Variants in PTPRD observed in about 807,000 individuals in gnomAD.
The protein encoded by PTPRD is receptor-type tyrosine-protein phosphatase delta.
Under a neutral mutation model 214.5 loss-of-function variants are expected in PTPRD, and 34 were observed. That is an observed-to-expected ratio of 0.16 (90% confidence interval 0.12 to 0.21). The LOEUF is 0.21. PTPRD is among the 10% of genes least tolerant of loss of function. The pLI is 1.00. For synonymous variants in PTPRD, 1,128 were observed against 845.7 expected, an observed-to-expected ratio of 1.33 and a Z score of -5.79; for missense variants, 2,545 against 2,398.7, an observed-to-expected ratio of 1.06 and a Z score of -1.27.
At chr9:10,428,675 C>G (rs1008612236) in intron 2 of PTPRD, among the ~76,000 whole-genome samples, 5 of 152,016 alleles carry the variant, frequency 3.3e-5, no homozygotes, top group African/African-American at 1.2e-4. Flanking sequence ...CAAAATTACT[C>G]AGTTGCAAAA....
At chr9:10,391,712 T>C (rs932340243) in intron 2 of PTPRD, among the ~76,000 whole-genome samples, 1 of 151,812 alleles carries the variant, frequency 6.6e-6, no homozygotes, top group Non-Finnish European at 1.5e-5. Context: ...TGTCACCATT[T>C]AACAGCAAGA....
chr9:8,716,786 C>T (rs1295432502), intron 12 of PTPRD, among the ~76,000 whole-genome samples: 1 of 152,068 alleles, frequency 6.6e-6, no homozygotes, highest in Non-Finnish European at 1.5e-5. Context: ...TGGCCTACCT[C>T]AATAATGAAT....
chr9:8,695,850 A>C (rs551263817), intron 12 of PTPRD, among the ~76,000 whole-genome samples: 1 of 152,276 alleles, frequency 6.6e-6, no homozygotes, highest in East Asian at 1.9e-4. Context: ...TAAGTTGGAA[A>C]TTACTGTAAG....
chr9:8,521,541 G>A lies in PTPRD; in HGVS notation c.697C>T (p.Arg233Cys), dbSNP rs2097889634. Residue 233 changes from arginine (R) to cysteine (C), a missense_variant, in exon 20 of 46, where the codon CGT (arginine) becomes TGT (cysteine). Arg to Cys is a radical substitution (Grantham distance 180). Coordinates refer to ENST00000381196, the MANE Select transcript of PTPRD (RefSeq NM_002839.4). ...LYVRELREVR[R>C]VPPRFSIPPT... is the part of the protein sequence containing the mutation. Reference sequence around the variant, plus strand: ...GGGATAGAGAATCTTGGTGGGACACGGCGAACTGGAACAAAACACAAGGGA... The same window carrying A: ...GGGATAGAGAATCTTGGTGGGACACAGCGAACTGGAACAAAACACAAGGGA... 6.2e-7 allele frequency: 1 copy of A among 1,612,910 alleles called. No homozygotes were observed. The highest frequency in any genetic ancestry group is 8.5e-7 in the Non-Finnish European group (1 of 1,179,404).
chr9:9,615,252 G>C (rs2154348393), intron 7 of PTPRD, among the ~76,000 whole-genome samples: 1 of 152,202 alleles, frequency 6.6e-6, no homozygotes, highest in South Asian at 2.1e-4. Context: ...CCTCCTGCCA[G>C]GTGCAGGCTC....
At chr9:8,907,771 T>A (rs965545792) in intron 11 of PTPRD, among the ~76,000 whole-genome samples, 1 of 151,750 alleles carries the variant, frequency 6.6e-6, no homozygotes, top group African/African-American at 2.4e-5. Flanking sequence ...GAGCAGAGAA[T>A]AAAAGATTGA....
intron 14 of PTPRD, among the ~76,000 whole-genome samples, chr9:8,601,958 T>C (rs762108138): frequency 5.3e-5 from 8 of 152,060 alleles, no homozygotes; most frequent in Non-Finnish European, 1.0e-4. Context: ...AAAATAATTA[T>C]AGGTAGTGAC....
intron 9 of PTPRD, among the ~76,000 whole-genome samples, chr9:9,189,739 A>T (rs1249859763): frequency 6.6e-6 from 1 of 152,124 alleles, no homozygotes; most frequent in African/African-American, 2.4e-5. Flanking sequence ...TGAAATGAAT[A>T]AACAAATCAA....
intron 11 of PTPRD, chr9:8,963,097 G>A (rs561821916): frequency 6.6e-6 from 1 of 152,014 alleles, no homozygotes; most frequent in Non-Finnish European, 1.5e-5. Flanking sequence ...TTACATGGTA[G>A]CCTTACTGTC....
intron 11 of PTPRD, among the ~76,000 whole-genome samples, chr9:9,017,279 T>C (rs2099539865): frequency 6.6e-6 from 1 of 152,146 alleles, no homozygotes; most frequent in South Asian, 2.1e-4. Context: ...AGAAAGGTCA[T>C]CTTGCTGAAT....
intron 12 of PTPRD, among the ~76,000 whole-genome samples, chr9:8,671,669 T>C (rs1344551176): frequency 6.6e-6 from 1 of 152,130 alleles, no homozygotes; most frequent in Non-Finnish European, 1.5e-5. Flanking sequence ...AAAGGGCACA[T>C]TTAAAGAGGC....
chr9:8,981,146 C>T (rs979311751), intron 11 of PTPRD, among the ~76,000 whole-genome samples: 1 of 151,826 alleles, frequency 6.6e-6, no homozygotes, highest in East Asian at 1.9e-4. Context: ...TTATTTGTCA[C>T]CAAAATCAGT....
At chr9:9,390,782 G>A (rs541659308) in intron 9 of PTPRD, among the ~76,000 whole-genome samples, 1 of 152,146 alleles carries the variant, frequency 6.6e-6, no homozygotes, top group African/African-American at 2.4e-5. Context: ...CAGTTGCTGT[G>A]TGACTTTGAA....
intron 2 of PTPRD, among the ~76,000 whole-genome samples, chr9:10,479,522 T>A (rs1019357547): frequency 6.6e-6 from 1 of 151,942 alleles, no homozygotes; most frequent in Non-Finnish European, 1.5e-5. Flanking sequence ...AGACAGAATA[T>A]ACTTTGAAAA....
intron 13 of PTPRD, among the ~76,000 whole-genome samples, chr9:8,634,042 C>A (rs559878756): frequency 3.9e-5 from 6 of 152,002 alleles, no homozygotes; most frequent in Admixed American, 2.0e-4. Flanking sequence ...TGCCATAAAT[C>A]ATTCCAGTAT....
chr9:10,450,535 T>C (rs2098834371), intron 2 of PTPRD, among the ~76,000 whole-genome samples: 1 of 152,082 alleles, frequency 6.6e-6, no homozygotes, highest in Non-Finnish European at 1.5e-5. Flanking sequence ...ATCTGTAGTT[T>C]ATATTTTACG....
chr9:8,966,583 A>G (rs143428840), intron 11 of PTPRD, among the ~76,000 whole-genome samples: 509 of 152,036 alleles, frequency 3.3e-3, no homozygotes, highest in African/African-American at 0.012. Context: ...CTAGACCCCT[A>G]TATACTATAT....
At chr9:9,655,728 CGCACTTTGGGAG>C (rs1427699415) in intron 7 of PTPRD, among the ~76,000 whole-genome samples, 3 of 150,452 alleles carry the variant, frequency 2.0e-5, no homozygotes, top group Non-Finnish European at 4.4e-5. Context: ...CTGTAATCCC[CGCACTTTGGGAG>C]GCAGAGGCGG....
chr9:9,513,957 G>C (rs1376621775), intron 8 of PTPRD, among the ~76,000 whole-genome samples: 2 of 152,026 alleles, frequency 1.3e-5, no homozygotes, highest in African/African-American at 4.8e-5. Context: ...AGCCAAGCTG[G>C]TACCAGTTTC....
Sources: allele counts gnomAD v4.1 joint callset (sites outside exome capture counted in the v4.1 genomes callset), GRCh38; gene constraint gnomAD v4.1.1; transcripts MANE v1.5; gene names NCBI Gene and HGNC (gene_info 2026-07-23, HGNC 2026-07-21).